Variants in GPC5 observed in about 807,000 individuals in gnomAD.
The protein encoded by GPC5 is glypican 5, also known as glypican-5.
GPC5 carries 47 observed loss-of-function variants against 53.9 expected under a neutral mutation model. That is an observed-to-expected ratio of 0.87 (90% CI 0.69 to 1.11). The LOEUF (loss-of-function observed/expected upper bound fraction) is 1.11. Ranked by LOEUF, GPC5 falls within the 50% of genes most tolerant of loss-of-function variation. GPC5 has a pLI of 0.00. For synonymous variants in GPC5, 286 were observed against 263.3 expected (o/e 1.09, Z -0.84); for missense variants, 748 against 713.1 (o/e 1.05, Z -0.56).
At chr13:92,798,265 T>C (rs1004372550) in intron 7 of GPC5, among the ~76,000 whole-genome samples, 12 of 151,890 alleles carry the variant, frequency 7.9e-5, no homozygotes, top group African/African-American at 4.8e-5. Context: ...AATGTTTGTT[T>C]ATGGATATTT....
intron 6 of GPC5, among the ~76,000 whole-genome samples, chr13:91,925,371 A>G (rs1400180800): frequency 3.9e-5 from 6 of 152,192 alleles, no homozygotes; most frequent in Non-Finnish European, 8.8e-5. Context: ...CTCTAATGAC[A>G]AGTAATACGC....
chr13:91,422,599 G>T (rs1439482546), intron 1 of GPC5, among the ~76,000 whole-genome samples: 2 of 151,878 alleles, frequency 1.3e-5, no homozygotes, highest in Non-Finnish European at 2.9e-5. Flanking sequence ...TCACGCCATT[G>T]CATTCCAGCC....
chr13:91,933,424 C>T (rs921028074), intron 6 of GPC5, among the ~76,000 whole-genome samples: 4 of 151,972 alleles, frequency 2.6e-5, no homozygotes, highest in African/African-American at 9.7e-5. Flanking sequence ...GAAGTAATCA[C>T]TGCATAGAGT....
At chr13:92,813,859 C>T (rs1307334260) in intron 7 of GPC5, among the ~76,000 whole-genome samples, 5 of 151,944 alleles carry the variant, frequency 3.3e-5, no homozygotes. Flanking sequence ...AAGTCATAAT[C>T]TCCTTTGACT....
At chr13:92,285,875 C>G (rs1268108216) in intron 7 of GPC5, among the ~76,000 whole-genome samples, 1 of 151,996 alleles carries the variant, frequency 6.6e-6, no homozygotes, top group Non-Finnish European at 1.5e-5. Context: ...GCAACAAAAG[C>G]TAAAATTGAC....
At chr13:91,673,083 G>T (rs1275621629) in intron 2 of GPC5, among the ~76,000 whole-genome samples, 1 of 151,854 alleles carries the variant, frequency 6.6e-6, no homozygotes. Flanking sequence ...CCTGTTGGGG[G>T]TTAGGGGGTG....
intron 2 of GPC5, among the ~76,000 whole-genome samples, chr13:91,461,126 G>A (rs950413755): frequency 6.6e-6 from 1 of 152,014 alleles, no homozygotes; most frequent in South Asian, 2.1e-4. Context: ...TTTTTTCCAG[G>A]GTAATGCTGC....
intron 5 of GPC5, among the ~76,000 whole-genome samples, chr13:91,863,651 A>G (rs2039054327): frequency 6.6e-6 from 1 of 152,256 alleles, no homozygotes; most frequent in Admixed American, 6.5e-5. Flanking sequence ...ATTAAAGTCC[A>G]TGCATCCTCA....
intron 7 of GPC5, among the ~76,000 whole-genome samples, chr13:92,164,458 C>T (rs922247365): frequency 5.9e-5 from 9 of 152,170 alleles, no homozygotes; most frequent in Non-Finnish European, 1.3e-4. Flanking sequence ...TCTTAAAATT[C>T]CAAAATGTTC....
chr13:92,599,455 C>T (rs1883977968), intron 7 of GPC5, among the ~76,000 whole-genome samples: 1 of 152,038 alleles, frequency 6.6e-6, no homozygotes, highest in African/African-American at 2.4e-5. Context: ...TTAAAGAAAG[C>T]ATGTGTTTGA....
At chr13:91,900,391 A>G (rs951932472) in intron 5 of GPC5, among the ~76,000 whole-genome samples, 2 of 152,118 alleles carry the variant, frequency 1.3e-5, no homozygotes, top group African/African-American at 2.4e-5. Flanking sequence ...GTGATTATCT[A>G]TCATCATAAA....
chr13:92,244,563 C>CT (rs1200282263), intron 7 of GPC5, among the ~76,000 whole-genome samples: 1 of 152,110 alleles, frequency 6.6e-6, no homozygotes, highest in East Asian at 1.9e-4. Context: ...TTCCTATTGG[C>CT]TTGCATTTCA....
intron 6 of GPC5, among the ~76,000 whole-genome samples, chr13:92,020,321 G>T (rs79594018): frequency 1.8e-3 from 268 of 152,204 alleles, no homozygotes; most frequent in Non-Finnish European, 2.9e-3. Flanking sequence ...CAGACCTGGG[G>T]ATTAGGAAGG....
intron 5 of GPC5, among the ~76,000 whole-genome samples, chr13:91,862,611 T>G (rs936451234): frequency 6.6e-6 from 1 of 152,190 alleles, no homozygotes; most frequent in Admixed American, 6.5e-5. Flanking sequence ...TGTCTGTATA[T>G]GTATATACAC....
At chr13:92,249,835 G>A (rs948361536) in intron 7 of GPC5, among the ~76,000 whole-genome samples, 39 of 152,006 alleles carry the variant, frequency 2.6e-4, no homozygotes, top group African/African-American at 8.9e-4. Context: ...TTAATGACAC[G>A]TGTAGTGGAA....
At chr13:92,096,833 G>T (rs574675814) in intron 6 of GPC5, among the ~76,000 whole-genome samples, 5 of 152,148 alleles carry the variant, frequency 3.3e-5, no homozygotes, top group African/African-American at 1.2e-4. Flanking sequence ...GAAAGTAAGG[G>T]TCTGTTGTAA....
intron 7 of GPC5, among the ~76,000 whole-genome samples, chr13:92,457,621 A>G (rs1878321734): frequency 1.3e-5 from 2 of 152,210 alleles, no homozygotes; most frequent in African/African-American, 4.8e-5. Flanking sequence ...ACTCTTCATC[A>G]TAGTATTCAG....
At chr13:91,502,622 T>C (rs142528459) in intron 2 of GPC5, among the ~76,000 whole-genome samples, 34 of 152,152 alleles carry the variant, frequency 2.2e-4, no homozygotes, top group Non-Finnish European at 2.9e-4. Flanking sequence ...AGTGGCTCAG[T>C]GAGAATGCTA....
At position 91,412,097 on chromosome 13, in the gene GPC5, T is replaced by C. The variant is rs187324760; in HGVS notation, c.163+12888T>C. On this transcript the variant is annotated intron_variant, in intron 1 of 7. Coordinates refer to ENST00000377067, the MANE Select transcript of GPC5 (RefSeq NM_004466.6). ...GGCTTCAGTTGAAAATGTGACTGCATGGATAACACCCCATGATGATGTGAT... is the reference window on the plus strand; with the variant it reads ...GGCTTCAGTTGAAAATGTGACTGCACGGATAACACCCCATGATGATGTGAT... 3.5e-3 allele frequency among the ~76,000 whole-genome samples: 536 copies of C among 152,318 alleles called. 2 individuals are homozygous for C. The highest frequency in any genetic ancestry group is 0.013 in the African/African-American group (521 of 41,578).
Sources: gnomAD v4.1 joint callset for allele counts (sites outside exome capture counted in the v4.1 genomes callset) on GRCh38, gnomAD v4.1.1 for gene constraint, MANE v1.5 for transcripts, NCBI Gene and HGNC (gene_info 2026-07-23, HGNC 2026-07-21) for gene names.